Variants in MIDEAS observed in about 807,000 individuals in gnomAD.
MIDEAS encodes the protein mitotic deacetylase-associated SANT domain protein.
MIDEAS carries 26 observed loss-of-function variants against 102.7 expected under a neutral mutation model. The observed-to-expected ratio is 0.25, with a 90% confidence interval of 0.19 to 0.35. The LOEUF (loss-of-function observed/expected upper bound fraction) is 0.35, where lower values mean the gene tolerates loss of function less well. Among genes scored for constraint, MIDEAS ranks in the 10% least tolerant of loss-of-function variants. The probability of loss-of-function intolerance (pLI) is 1.00; values close to 1 mark genes in which losing one functional copy is unlikely to be tolerated. For synonymous variants in MIDEAS, 585 were observed against 591.0 expected (o/e 0.99, Z 0.15); for missense variants, 1,231 against 1,435.6 (o/e 0.86, Z 2.30).
chr14:73,725,971 C>T lies in MIDEAS; in HGVS notation c.2485+62G>A, dbSNP rs1472870912. ...GGCTGTGACTCAGCACTGAGCAGGG[C>T]CCCATGGATGCTGGAGACCTCTTGA... On this transcript the variant is annotated intron_variant, in intron 8 of 12. Coordinates refer to ENST00000423556, the MANE Select transcript of MIDEAS (RefSeq NM_001367710.1). This position sits in a 1 kb window ranked among gnomAD's most constrained non-coding sequence, Gnocchi z 4.1. 7.9e-6 allele frequency: 11 copies of T among 1,391,592 alleles called. No homozygotes were observed. The highest frequency in any genetic ancestry group is 1.8e-4 in the Middle Eastern group (1 of 5,468). 86.2% of individuals were successfully genotyped at this position (1,391,592 alleles called of 1,614,324 possible). A position where few individuals can be genotyped will look rare whatever the true frequency, so the allele number is the denominator to read the frequency against.
At chr14:73,730,316 C>T in intron 3 of MIDEAS, 2 of 420,930 alleles carry the variant, frequency 4.8e-6, no homozygotes, top group Non-Finnish European at 9.0e-6. Flanking sequence ...CTGGATCTGG[C>T]CCCCAGACCA....
At chr14:73,755,518 G>A (rs796761257) in intron 1 of MIDEAS, among the ~76,000 whole-genome samples, 5 of 151,774 alleles carry the variant, frequency 3.3e-5, no homozygotes, top group African/African-American at 9.6e-5. Context: ...GAAGCAAACA[G>A]GGGACTTTTT....
Position 73,726,068 on chromosome 14 carries a change from G to A in MIDEAS, c.2450C>T (p.Pro817Leu). ...NKLLLKKPLR[P>L]HNHPLATYHY... is the part of the protein sequence containing the mutation. ...ATAAGTTGCCAGCGGATGGTTGTGG[G>A]GCCGCAGGGGCTTCTTCAGCAGCAG... The change falls in exon 8 of 13, where the codon CCC becomes CTC. Residue 817 changes from proline to leucine, a missense_variant. Pro to Leu is a moderately conservative substitution (Grantham distance 98). Transcript: ENST00000423556. 6.3e-7 allele frequency: 1 copy of A among 1,598,908 alleles called. No individual in the cohort carries two copies.
At chr14:73,726,786 C>T in intron 6 of MIDEAS, 44 bp downstream of exon 6, 2 of 1,606,718 alleles carry the variant, frequency 1.2e-6, no homozygotes, top group Non-Finnish European at 1.7e-6. Flanking sequence ...GCCTGGCCCA[C>T]CCATGTGCCT....
upstream of MIDEAS, among the ~76,000 whole-genome samples, chr14:73,788,608 C>T (rs961942855): frequency 6.6e-6 from 1 of 152,158 alleles, no homozygotes; most frequent in African/African-American, 2.4e-5. Flanking sequence ...ATTAATGGCA[C>T]ATTATAAATA....
chr14:73,719,222 T>TCCCCCCCCC, intron 12 of MIDEAS, 83 bp downstream of exon 12: 16 of 1,497,112 alleles, frequency 1.1e-5, no homozygotes, highest in Middle Eastern at 2.4e-4. Context: ...CTGTACCTCT[T>TCCCCCCCCC]CCCCCTCCCC....
At chr14:73,730,110 C>G in intron 3 of MIDEAS, 125 bp from the exon 4 acceptor site, 2 of 1,024,536 alleles carry the variant, frequency 2.0e-6, no homozygotes, top group Non-Finnish European at 3.0e-6. Context: ...CCAAGGCAAG[C>G]CTGAAAAAAG....
intron 1 of MIDEAS, among the ~76,000 whole-genome samples, chr14:73,770,943 G>A (rs1398076829): frequency 4.6e-5 from 7 of 152,130 alleles, no homozygotes; most frequent in South Asian, 2.1e-4. Flanking sequence ...CACATGACCA[G>A]CAATGATCAG....
At chr14:73,735,676 A>C (rs1015534472) in intron 3 of MIDEAS, among the ~76,000 whole-genome samples, 1 of 152,270 alleles carries the variant, frequency 6.6e-6, no homozygotes, top group African/African-American at 2.4e-5. Flanking sequence ...TCTAACCAAA[A>C]GCAAGCAAGA....
chr14:73,783,876 G>A (rs1227656023), intron 1 of MIDEAS, among the ~76,000 whole-genome samples: 3 of 152,200 alleles, frequency 2.0e-5, no homozygotes, highest in Admixed American at 6.5e-5. Flanking sequence ...TTAGCTGGGG[G>A]TGTTCGGCCT....
In MIDEAS at chr14:73,716,238, A is replaced by G. The variant is rs1464036097; in HGVS notation, c.*2605T>C. The G allele has an allele frequency of 6.6e-6, 1 of 152,322 alleles. No individual in the cohort carries two copies. The highest frequency in any genetic ancestry group is 1.5e-5 in the Non-Finnish European group (1 of 68,028). The allele number at this position is 152,322 out of a possible 1,614,324, so 9.4% of individuals were successfully genotyped here. A position where few individuals can be genotyped will look rare whatever the true frequency, so the allele number is the denominator to read the frequency against. Reference sequence around the variant, plus strand: ...TTGCATCTGCCCTCTAAACTTTTTAATTTTCACACTGTATCCTAGACATGA... The same window carrying G: ...TTGCATCTGCCCTCTAAACTTTTTAGTTTTCACACTGTATCCTAGACATGA... On this transcript the variant is annotated 3_prime_UTR_variant, in exon 13 of 13. Coordinates refer to ENST00000423556, the MANE Select transcript of MIDEAS (RefSeq NM_001367710.1).
At chr14:73,736,295 G>A (rs116169841) in intron 3 of MIDEAS, among the ~76,000 whole-genome samples, 2 of 152,096 alleles carry the variant, frequency 1.3e-5, no homozygotes, top group East Asian at 3.9e-4. Context: ...TAAAACAAAT[G>A]ATGACAGAAC....
intron 2 of MIDEAS, among the ~76,000 whole-genome samples, chr14:73,738,084 T>C (rs1396122901): frequency 6.6e-6 from 1 of 152,062 alleles, no homozygotes; most frequent in African/African-American, 2.4e-5. Flanking sequence ...GCGCCTAGCC[T>C]CACACTGTTC....
chr14:73,755,167 G>C (rs1263614582), intron 1 of MIDEAS, among the ~76,000 whole-genome samples: 1 of 152,198 alleles, frequency 6.6e-6, no homozygotes. Flanking sequence ...ACCTTCCCTG[G>C]CTGGCCACAG....
chr14:73,743,215 A>G, intron 1 of MIDEAS, among the ~76,000 whole-genome samples: 1 of 152,150 alleles, frequency 6.6e-6, no homozygotes, highest in Middle Eastern at 3.2e-3. Context: ...AGGATTTTCT[A>G]GACACAGATA....
At chr14:73,766,610 T>G (rs2053593744) in intron 1 of MIDEAS, among the ~76,000 whole-genome samples, 1 of 149,902 alleles carries the variant, frequency 6.7e-6, no homozygotes, top group South Asian at 2.1e-4. Flanking sequence ...AGTGCAGTGG[T>G]GCAATCTCGG....
chr14:73,723,551 T>C (rs956361089), intron 9 of MIDEAS: 5 of 152,234 alleles, frequency 3.3e-5, no homozygotes, highest in African/African-American at 4.8e-5. Flanking sequence ...AAGGTTTTAG[T>C]CATGTGACAG....
chr14:73,737,750 CCTGA>C (rs1020373419), intron 2 of MIDEAS, among the ~76,000 whole-genome samples: 2 of 151,546 alleles, frequency 1.3e-5, no homozygotes, highest in Non-Finnish European at 2.9e-5. Flanking sequence ...GACCTTTTTC[CCTGA>C]CTACCTTTTC....
Position 73,725,911 on chromosome 14 carries a change from G to A in MIDEAS, c.2485+122C>T. The A allele has an allele frequency of 1.2e-6, 1 of 841,652 alleles. No homozygotes were observed. Among genetic ancestry groups the A allele is most frequent in the Non-Finnish European group, 1.9e-6 (1 of 520,420 alleles). 52.1% of individuals were successfully genotyped at this position (841,652 alleles called of 1,614,324 possible). On this transcript the variant is annotated intron_variant, in intron 8 of 12. Transcript: ENST00000423556. The surrounding 1 kb of genome is among the most constrained non-coding windows in gnomAD (Gnocchi z 4.1). ...TGGCAGTTCCCTCACTCTGACTCTT[G>A]GCTTATCTACCCTCCTCCTCCCGCC...
Sources: gnomAD v4.1 joint callset for allele counts (sites outside exome capture counted in the v4.1 genomes callset) on GRCh38, gnomAD v4.1.1 for gene constraint, Gnocchi (gnomAD v3.1) non-coding constraint, MANE v1.5 for transcripts, NCBI Gene and HGNC (gene_info 2026-07-23, HGNC 2026-07-21) for gene names.